DOK6: variants seen among roughly 807,000 people sequenced by gnomAD.
DOK6 encodes the protein downstream of tyrosine kinase 6.
DOK6 carries 22 observed loss-of-function variants against 44.0 expected under a neutral mutation model. That is an observed-to-expected ratio of 0.50 (90% CI 0.36 to 0.71). The LOEUF is 0.71. Among genes scored for constraint, DOK6 ranks in the 30% least tolerant of loss-of-function variants. DOK6 has a pLI of 0.00. For missense variants in DOK6, 340 were observed against 416.4 expected (o/e 0.82, Z 1.60); for synonymous variants, 166 against 145.5 (o/e 1.14, Z -1.01).
At chr18:69,651,391 AT>A (rs1985220979) in intron 3 of DOK6, among the ~76,000 whole-genome samples, 1 of 148,202 alleles carries the variant, frequency 6.7e-6, no homozygotes, top group Admixed American at 6.8e-5. Flanking sequence ...CCCTTAAGAT[AT>A]TTTACCTTCT....
chr18:69,606,853 T>G (rs1984011249), intron 3 of DOK6, among the ~76,000 whole-genome samples: 1 of 145,550 alleles, frequency 6.9e-6, no homozygotes, highest in African/African-American at 2.6e-5. Flanking sequence ...AACCTCCGCC[T>G]CCCAGGTTCA....
intron 1 of DOK6, among the ~76,000 whole-genome samples, chr18:69,406,297 C>T (rs1175688109): frequency 6.6e-6 from 1 of 152,206 alleles, no homozygotes; most frequent in Non-Finnish European, 1.5e-5. Flanking sequence ...AACTCTATCT[C>T]TATTGGCAAT....
intron 7 of DOK6, among the ~76,000 whole-genome samples, chr18:69,834,036 C>G (rs1241261387): frequency 6.6e-6 from 1 of 152,084 alleles, no homozygotes; most frequent in Non-Finnish European, 1.5e-5. Context: ...AGGTACACAT[C>G]CAAAAGAAAG....
intron 3 of DOK6, among the ~76,000 whole-genome samples, chr18:69,628,861 A>C (rs1408535534): frequency 6.6e-6 from 1 of 152,160 alleles, no homozygotes; most frequent in Non-Finnish European, 1.5e-5. Flanking sequence ...GATGGATTGG[A>C]GTAGGATGCA....
intron 1 of DOK6, among the ~76,000 whole-genome samples, chr18:69,473,971 C>CAG (rs145524378): frequency 0.2 from 29,741 of 151,966 alleles, 3,294 homozygotes; most frequent in Non-Finnish European, 0.23. Flanking sequence ...TTTTAGGACT[C>CAG]TGAAAATTCA....
chr18:69,734,393 CAAA>C (rs60831756), intron 5 of DOK6, among the ~76,000 whole-genome samples: 29 of 48,500 alleles, frequency 6.0e-4, no homozygotes, highest in South Asian at 2.8e-3. Flanking sequence ...TTCATAGCAG[CAAA>C]AAAAAAAAAA....
chr18:69,538,545 C>T (rs1303247949), intron 1 of DOK6, among the ~76,000 whole-genome samples: 2 of 151,914 alleles, frequency 1.3e-5, no homozygotes, highest in Non-Finnish European at 2.9e-5. Flanking sequence ...CCATGCCCAG[C>T]TAACTTTTGC....
At chr18:69,675,249 T>G (rs959697857) in intron 3 of DOK6, among the ~76,000 whole-genome samples, 5 of 152,268 alleles carry the variant, frequency 3.3e-5, no homozygotes, top group Admixed American at 6.5e-5. Flanking sequence ...CTTCGTCTCA[T>G]TAAACCCTGG....
chr18:69,841,864 G>T lies in DOK6; in HGVS notation c.*481G>T, dbSNP rs1000217858. On this transcript the variant is annotated 3_prime_UTR_variant, in exon 8 of 8. Transcript: ENST00000382713. ...TACAGTAAGCTCTGCAAATGACATC[G>T]TAGCTGCATATAAATAAACCCAGTG... The T allele has an allele frequency of 6.3e-6, 1 of 157,706 alleles. No individual in the cohort carries two copies. Among genetic ancestry groups the T allele is most frequent in the African/African-American group, 2.4e-5 (1 of 41,482 alleles). 9.8% of individuals were successfully genotyped at this position (157,706 alleles called of 1,614,324 possible).
intron 3 of DOK6, among the ~76,000 whole-genome samples, chr18:69,673,805 A>G (rs1020063699): frequency 1.3e-5 from 2 of 152,240 alleles, no homozygotes; most frequent in African/African-American, 4.8e-5. Flanking sequence ...AGCTATCTGA[A>G]AAAGGCATCT....
chr18:69,496,625 C>T (rs1003907926), intron 1 of DOK6, among the ~76,000 whole-genome samples: 1 of 152,190 alleles, frequency 6.6e-6, no homozygotes, highest in Non-Finnish European at 1.5e-5. Flanking sequence ...TCCATTCATT[C>T]CTCTAAACCC....
At chr18:69,702,007 A>C in intron 5 of DOK6, among the ~76,000 whole-genome samples, 1 of 152,242 alleles carries the variant, frequency 6.6e-6, no homozygotes, top group South Asian at 2.1e-4. Flanking sequence ...ATAAAAATAT[A>C]ATTAATACAT....
At chr18:69,665,846 C>T (rs956608992) in intron 3 of DOK6, among the ~76,000 whole-genome samples, 2 of 151,898 alleles carry the variant, frequency 1.3e-5, no homozygotes, top group Non-Finnish European at 2.9e-5. Context: ...CCTAAGCCTC[C>T]TGCTGTTTCT....
At chr18:69,485,874 C>CAT (rs1980561300) in intron 1 of DOK6, among the ~76,000 whole-genome samples, 1 of 90,372 alleles carries the variant, frequency 1.1e-5, no homozygotes. Context: ...ATATAGTATA[C>CAT]GTATATATGT....
At chr18:69,734,336 T>C (rs1260739248) in intron 5 of DOK6, among the ~76,000 whole-genome samples, 1 of 137,242 alleles carries the variant, frequency 7.3e-6, no homozygotes, top group African/African-American at 2.6e-5. Context: ...CTGTCCATTT[T>C]GCCTAGAGTT....
At chr18:69,670,528 T>TG (rs1985772233) in intron 3 of DOK6, among the ~76,000 whole-genome samples, 1 of 141,130 alleles carries the variant, frequency 7.1e-6, no homozygotes, top group Admixed American at 7.0e-5. Flanking sequence ...TTTTTTTTTT[T>TG]GAGTCAGAGT....
intron 5 of DOK6, among the ~76,000 whole-genome samples, chr18:69,736,972 TC>T (rs1251689094): frequency 1.3e-5 from 2 of 152,236 alleles, no homozygotes; most frequent in Non-Finnish European, 2.9e-5. Context: ...ATGCTACTGA[TC>T]CGTGGACCAT....
intron 7 of DOK6, among the ~76,000 whole-genome samples, chr18:69,806,292 T>C (rs1423147548): frequency 6.6e-6 from 1 of 152,026 alleles, no homozygotes; most frequent in Non-Finnish European, 1.5e-5. Context: ...TATTGGAAGA[T>C]AGTTGAACAA....
intron 1 of DOK6, among the ~76,000 whole-genome samples, chr18:69,518,335 C>T (rs762535238): frequency 2.7e-4 from 41 of 151,726 alleles, no homozygotes; most frequent in Non-Finnish European, 5.4e-4. Context: ...CTTTCCTTTT[C>T]TTTTCATAAT....
Sources: gnomAD v4.1 joint callset for allele counts (sites outside exome capture counted in the v4.1 genomes callset) on GRCh38, gnomAD v4.1.1 for gene constraint, MANE v1.5 for transcripts, NCBI Gene and HGNC (gene_info 2026-07-23, HGNC 2026-07-21) for gene names.